Variants in RBM33 observed in about 807,000 individuals in gnomAD.
RBM33 encodes the protein RNA binding motif protein 33.
Under a neutral mutation model 132.6 loss-of-function variants are expected in RBM33, and 28 were observed. The observed-to-expected ratio is 0.21, with a 90% CI of 0.16 to 0.29. RBM33 has a LOEUF of 0.29. Among genes scored for constraint, RBM33 ranks in the 10% least tolerant of loss-of-function variants. The pLI, the probability that RBM33 is intolerant of heterozygous loss-of-function variation, is 1.00. For missense variants in RBM33, 1,291 were observed against 1,518.5 expected (o/e 0.85, Z 2.49); for synonymous variants, 634 against 593.0 (o/e 1.07, Z -1.01).
At chr7:155,738,562 C>T in intron 11 of RBM33, 159 bp downstream of exon 11, 1 of 721,336 alleles carries the variant, frequency 1.4e-6, no homozygotes, top group Non-Finnish European at 2.2e-6. Context: ...CAACTTTTTT[C>T]AACAATGTTA....
At chr7:155,714,611 G>A (rs1339498406) in intron 8 of RBM33, among the ~76,000 whole-genome samples, 2 of 152,156 alleles carry the variant, frequency 1.3e-5, no homozygotes, top group African/African-American at 2.4e-5. Flanking sequence ...TCAAGAAGGA[G>A]CCCTTCTACC....
rs1802680683 is a variant in RBM33 at position 155,778,098 on chromosome 7, A to G, written c.*3057A>G. ...GTAAATCTCATCATTTTTCCAGACA[A>G]ATTTTGAGGGGTTTCTCTGTTTTGT... On this transcript the variant is annotated 3_prime_UTR_variant, in exon 18 of 18. Coordinates refer to ENST00000401878, the MANE Select transcript of RBM33 (RefSeq NM_053043.3). This position sits in a 1 kb window ranked among gnomAD's most constrained non-coding sequence, Gnocchi z 4.0. The G allele has an allele frequency of 6.6e-6, 1 of 152,542 alleles. No homozygotes were observed. Among genetic ancestry groups the G allele is most frequent in the Non-Finnish European group, 1.5e-5 (1 of 68,010 alleles). The allele number at this position is 152,542 out of a possible 1,614,324, so 9.4% of individuals were successfully genotyped here.
rs1239371270 is a variant in RBM33, at chr7:155,738,056, T to A, written c.1394-4T>A. 13 of 1,610,586 alleles carry A rather than the reference T, an allele frequency of 8.1e-6. No homozygotes were observed. Among genetic ancestry groups the A allele is most frequent in the Non-Finnish European group, 1.1e-5 (13 of 1,177,606 alleles). On this transcript the variant is annotated splice_polypyrimidine_tract_variant and splice_region_variant and intron_variant, in intron 10 of 17. Coordinates refer to ENST00000401878, the MANE Select transcript of RBM33 (RefSeq NM_053043.3). ...GAAGTTAATGATGTTGTGTTACCTTTCAGTTTCAGGTGAACCAAGATTCCC... is the reference window on the plus strand; with the variant it reads ...GAAGTTAATGATGTTGTGTTACCTTACAGTTTCAGGTGAACCAAGATTCCC...
intron 2 of RBM33, among the ~76,000 whole-genome samples, chr7:155,671,429 A>G (rs1242333052): frequency 6.6e-6 from 1 of 152,198 alleles, no homozygotes; most frequent in Non-Finnish European, 1.5e-5. Flanking sequence ...TATAGGACTT[A>G]CTGGAGGATA....
intron 1 of RBM33, among the ~76,000 whole-genome samples, chr7:155,655,020 T>C (rs1255073468): frequency 6.6e-6 from 1 of 152,226 alleles, no homozygotes; most frequent in East Asian, 1.9e-4. Flanking sequence ...TAGTTTGGTA[T>C]AGATAATCAA....
At position 155,688,471 on chromosome 7, in the gene RBM33, T is replaced by G. The variant is rs143418566; in HGVS notation, c.567+7563T>G. On this transcript the variant is annotated intron_variant, in intron 5 of 17. Transcript: ENST00000401878. ...TTCCTAATTGAATATCCTTTATTTC[T>G]TTCTCCTGCCTGATTGCCCTGGCCA... 9.5e-3 allele frequency among the ~76,000 whole-genome samples: 1,449 copies of G among 152,296 alleles called. 20 individuals carry two copies. The highest frequency in any genetic ancestry group is 0.033 in the African/African-American group (1,371 of 41,542).
intron 6 of RBM33, among the ~76,000 whole-genome samples, chr7:155,703,793 A>G (rs1217863326): frequency 6.6e-6 from 1 of 152,176 alleles, no homozygotes; most frequent in Non-Finnish European, 1.5e-5. Context: ...ACATCAGTTT[A>G]TTTGTGTGCT....
At chr7:155,673,500 A>T (rs1016111172) in intron 3 of RBM33, among the ~76,000 whole-genome samples, 3 of 149,386 alleles carry the variant, frequency 2.0e-5, no homozygotes, top group Non-Finnish European at 4.4e-5. Context: ...ATACACACAT[A>T]TATACATACA....
intron 8 of RBM33, among the ~76,000 whole-genome samples, chr7:155,716,314 C>CTTTTTTTTTTT (rs1563157893): frequency 4.6e-5 from 2 of 43,576 alleles, no homozygotes; most frequent in African/African-American, 2.7e-4. Context: ...TCCTTTTCTG[C>CTTTTTTTTTTT]TGTTTTTTTT....
At chr7:155,648,304 C>G (rs930985863) in intron 1 of RBM33, among the ~76,000 whole-genome samples, 19 of 152,148 alleles carry the variant, frequency 1.2e-4, no homozygotes, top group African/African-American at 4.6e-4. Flanking sequence ...AGATACTAAA[C>G]CAGTTGCTTT....
chr7:155,661,095 GTGGTGTGT>G (rs1470560098), intron 1 of RBM33, among the ~76,000 whole-genome samples: 10 of 134,306 alleles, frequency 7.4e-5, no homozygotes, highest in African/African-American at 2.6e-4. Flanking sequence ...GTGTGTGTGT[GTGGTGTGT>G]GTGTGTGTGT....
rs149333692 is a variant in RBM33, at chr7:155,751,766, G to A, written c.2979+6164G>A. Among the ~76,000 whole-genome samples, 4 of 150,176 alleles carry A rather than the reference G, an allele frequency of 2.7e-5. No individual in the cohort carries two copies. In the South Asian group the frequency reaches 6.3e-4, roughly 24 times the overall value. On this transcript the variant is annotated intron_variant, in intron 14 of 17. Transcript: ENST00000401878. Reference sequence around the variant, plus strand: ...GTTTGCCAAGTCTCTCCTCTGTAATGTTACAGTTTTACCCTTTGTAATTAG... The same window carrying A: ...GTTTGCCAAGTCTCTCCTCTGTAATATTACAGTTTTACCCTTTGTAATTAG...
At chr7:155,712,223 G>A (rs1467025738) in intron 8 of RBM33, among the ~76,000 whole-genome samples, 2 of 152,106 alleles carry the variant, frequency 1.3e-5, no homozygotes, top group Non-Finnish European at 2.9e-5. Flanking sequence ...GGTGGAGAGG[G>A]GACACACCAT....
intron 9 of RBM33, among the ~76,000 whole-genome samples, chr7:155,736,912 A>G (rs78660070): frequency 3.3e-5 from 5 of 152,340 alleles, no homozygotes; most frequent in African/African-American, 1.2e-4. Context: ...CTTAATTTCT[A>G]GTTGCTGCGT....
Position 155,775,420 on chromosome 7 carries a change from A to G in RBM33, c.*379A>G, listed in dbSNP as rs974293647. 5.5e-6 allele frequency: 2 copies of G among 361,186 alleles called. No homozygotes were observed. The highest frequency in any genetic ancestry group is 1.2e-4 in the East Asian group (2 of 16,186). The allele number at this position is 361,186 out of a possible 1,614,324, so 22.4% of individuals were successfully genotyped here. ...ACGTCACAAGTTCTAAGTAGTTTTC[A>G]CAGCAAAGAATATTTGATAATGGTT... is the stretch of plus-strand genomic sequence containing the variant. On this transcript the variant is annotated 3_prime_UTR_variant, in exon 18 of 18. Transcript: ENST00000401878.
chr7:155,732,904 G>C (rs956214049), intron 9 of RBM33, among the ~76,000 whole-genome samples: 4 of 152,196 alleles, frequency 2.6e-5, no homozygotes, highest in African/African-American at 9.7e-5. Flanking sequence ...TAAAACAAAA[G>C]CTTTTAGTGA....
chr7:155,655,534 C>CTTTTT lies in RBM33; in HGVS notation c.44-9620_44-9616dup, dbSNP rs756948005. ...TCATAACGGTATTAAGGCTGTTTGCCTTTTTTTTTTTTTTTTTTTTTTTTT... is the reference window on the plus strand; with the variant it reads ...TCATAACGGTATTAAGGCTGTTTGCCTTTTTTTTTTTTTTTTTTTTTTTTTTTTTT... On this transcript the variant is annotated intron_variant, in intron 1 of 17. Transcript: ENST00000401878. 2.4e-3 allele frequency among the ~76,000 whole-genome samples: 191 copies of CTTTTT among 80,092 alleles called. 7 individuals are homozygous for CTTTTT. Among genetic ancestry groups the CTTTTT allele is most frequent in the East Asian group, 3.5e-3 (8 of 2,302 alleles). The allele number at this position is 80,092 out of a possible 152,430, so 52.5% of individuals were successfully genotyped here.
In RBM33 at chr7:155,700,835, A is replaced by T. The variant is rs374113890; in HGVS notation, c.630A>T (p.Glu210Asp). ...AAGAAGAATCAGATGAAGAAGAAGA[A>T]GATGATGAAGAATCTGGACGATTAC... ...DIKEESDEEE[E>D]DDEESGRLRF... Residue 210 changes from glutamate (E) to aspartate (D), a missense_variant, in exon 6 of 18, where the codon GAA becomes GAT. Physicochemically the swap from Glu to Asp is conservative, Grantham distance 45 (BLOSUM62 2). Around this residue, in one of 7 missense-constraint regions of RBM33, gnomAD observed 194 missense variants for 249.8 expected, o/e 0.78. Transcript: ENST00000401878. 6.2e-5 allele frequency: 99 copies of T among 1,603,402 alleles called. No homozygotes were observed. The highest frequency in any genetic ancestry group is 4.3e-4 in the South Asian group (38 of 88,698).
At chr7:155,701,195 G>T in intron 6 of RBM33, 1 of 548,298 alleles carries the variant, frequency 1.8e-6, no homozygotes, top group Non-Finnish European at 3.2e-6. Context: ...TTTTTTTTGA[G>T]TCTGTGGCCT....
Sources: gnomAD v4.1 joint callset for allele counts (sites outside exome capture counted in the v4.1 genomes callset) on GRCh38, gnomAD v4.1.1 for gene constraint, gnomAD v4.1.1 regional missense constraint, Gnocchi (gnomAD v3.1) non-coding constraint, MANE v1.5 for transcripts, NCBI Gene and HGNC (gene_info 2026-07-23, HGNC 2026-07-21) for gene names.